CCDC62: variants seen among roughly 807,000 people sequenced by gnomAD.
CCDC62 encodes coiled-coil domain containing 62.
CCDC62 carries 72 observed loss-of-function variants against 80.8 expected under a neutral mutation model. The ratio of observed to expected loss-of-function variants is 0.89; its 90% CI spans 0.74 to 1.08. The LOEUF (loss-of-function observed/expected upper bound fraction) is 1.08. CCDC62 is among the 50% of genes least tolerant of loss of function. The probability of loss-of-function intolerance (pLI) is 0.00; values close to 1 mark genes in which losing one functional copy is unlikely to be tolerated. For synonymous variants in CCDC62, 286 were observed against 296.5 expected (o/e 0.96, Z 0.36); for missense variants, 704 against 809.4 (o/e 0.87, Z 1.58).
chr12:122,790,211 C>T (rs927692488), intron 5 of CCDC62, among the ~76,000 whole-genome samples: 10 of 152,084 alleles, frequency 6.6e-5, no homozygotes, highest in East Asian at 1.9e-4. Flanking sequence ...CCACCATGCC[C>T]GGCTAATTTT....
At chr12:122,821,249 G>A (rs1374770654) in intron 11 of CCDC62, among the ~76,000 whole-genome samples, 1 of 152,180 alleles carries the variant, frequency 6.6e-6, no homozygotes, top group African/African-American at 2.4e-5. Flanking sequence ...AGGACTGACA[G>A]CGAGCCAGTT....
At chr12:122,815,881 C>G (rs929837418) in intron 11 of CCDC62, among the ~76,000 whole-genome samples, 1 of 152,112 alleles carries the variant, frequency 6.6e-6, no homozygotes, top group Non-Finnish European at 1.5e-5. Flanking sequence ...CTGGCTAGGA[C>G]CTCCAGATGA....
rs555775220 is a variant in CCDC62 at position 122,779,790 on chromosome 12, C to T, written c.230-1374C>T. ...GGGTGTGCTGGCTCATGCCTGTAAT[C>T]CCAGCTACTTGGGAGGCTAAGGCAG... On this transcript the variant is annotated intron_variant, in intron 2 of 12. Transcript: ENST00000253079. 4.6e-5 allele frequency among the ~76,000 whole-genome samples: 7 copies of T among 151,726 alleles called. No homozygotes were observed. In the South Asian group the frequency reaches 1.5e-3, roughly 32 times the overall value.
chr12:122,804,719 T>G (rs73415550), intron 9 of CCDC62, among the ~76,000 whole-genome samples: 3,233 of 148,756 alleles, frequency 0.022, 109 homozygotes, highest in African/African-American at 0.075. Context: ...TTCCATGTTG[T>G]TTTTTTTTTC....
chr12:122,774,878 A>G (rs1466032756), intron 1 of CCDC62, among the ~76,000 whole-genome samples, 172 bp downstream of exon 1: 1 of 151,518 alleles, frequency 6.6e-6, no homozygotes, highest in African/African-American at 2.4e-5. Context: ...TCACGAGGTC[A>G]GGAGATCGAG....
At chr12:122,803,748 T>G (rs532206451) in intron 9 of CCDC62, among the ~76,000 whole-genome samples, 3 of 152,360 alleles carry the variant, frequency 2.0e-5, no homozygotes, top group Admixed American at 2.0e-4. Context: ...CTATTCATAT[T>G]TGGTCTTTAA....
intron 10 of CCDC62, among the ~76,000 whole-genome samples, chr12:122,811,337 T>C (rs1027709933): frequency 1.4e-5 from 2 of 144,904 alleles, no homozygotes; most frequent in African/African-American, 5.1e-5. Context: ...TCAGCCTCCC[T>C]AGTAGCTGGG....
intron 2 of CCDC62, 51 bp downstream of exon 2, chr12:122,777,734 ATT>A: frequency 3.3e-6 from 5 of 1,511,042 alleles, no homozygotes; most frequent in Non-Finnish European, 4.6e-6. Flanking sequence ...GTGCTAACAC[ATT>A]GATGGGCTCA....
intron 10 of CCDC62, among the ~76,000 whole-genome samples, chr12:122,806,958 A>G (rs1263761141): frequency 6.6e-6 from 1 of 151,906 alleles, no homozygotes; most frequent in Non-Finnish European, 1.5e-5. Context: ...CAAATACACA[A>G]CCCCTGGCAG....
intron 3 of CCDC62, among the ~76,000 whole-genome samples, chr12:122,784,931 G>C (rs1336435176): frequency 6.6e-6 from 1 of 152,156 alleles, no homozygotes; most frequent in Non-Finnish European, 1.5e-5. Context: ...CCGAAGTCAA[G>C]AGTTCGAGAC....
At chr12:122,815,551 A>G (rs956016570) in intron 11 of CCDC62, among the ~76,000 whole-genome samples, 3 of 151,370 alleles carry the variant, frequency 2.0e-5, no homozygotes, top group Admixed American at 6.6e-5. Flanking sequence ...GGTTCACGCC[A>G]TTCTCCTGCC....
chr12:122,776,345 GA>G (rs1470302149), intron 1 of CCDC62, among the ~76,000 whole-genome samples: 2 of 152,192 alleles, frequency 1.3e-5, no homozygotes, highest in Non-Finnish European at 2.9e-5. Flanking sequence ...ATACTTCAAA[GA>G]AATTATTGTA....
At chr12:122,799,694 C>A (rs982744515) in intron 8 of CCDC62, among the ~76,000 whole-genome samples, 2 of 152,230 alleles carry the variant, frequency 1.3e-5, no homozygotes, top group African/African-American at 4.8e-5. Flanking sequence ...ATTAGGGAAG[C>A]TCCCCATGGC....
chr12:122,802,521 C>G (rs2031373348), intron 9 of CCDC62, among the ~76,000 whole-genome samples: 1 of 149,790 alleles, frequency 6.7e-6, no homozygotes, highest in African/African-American at 2.5e-5. Context: ...TCAAGCCATT[C>G]TCCTGCCTCA....
At chr12:122,790,412 T>G (rs1214146552) in intron 5 of CCDC62, among the ~76,000 whole-genome samples, 1 of 152,102 alleles carries the variant, frequency 6.6e-6, no homozygotes, top group East Asian at 1.9e-4. Context: ...TCTGTAATCC[T>G]AGCACTTTGG....
intron 10 of CCDC62, among the ~76,000 whole-genome samples, chr12:122,806,743 G>T (rs1157434945): frequency 6.6e-6 from 1 of 150,856 alleles, no homozygotes; most frequent in African/African-American, 2.4e-5. Flanking sequence ...GCCTCCCAAA[G>T]TGTGCTGGGA....
intron 6 of CCDC62, among the ~76,000 whole-genome samples, chr12:122,793,809 TC>T (rs2030776246): frequency 6.6e-6 from 1 of 152,136 alleles, no homozygotes; most frequent in Admixed American, 6.5e-5. Context: ...TGATTAAAGA[TC>T]GGGGTGAAAG....
chr12:122,806,095 T>A lies in CCDC62; in HGVS notation c.1707-56T>A, dbSNP rs997147397. The A allele has an allele frequency of 3.4e-6, 5 of 1,486,848 alleles. No homozygotes were observed. The South Asian group carries it at 6.2e-5, about 18-fold the overall frequency. 92.1% of individuals were successfully genotyped at this position (1,486,848 alleles called of 1,614,324 possible). ...AAGATACTTTTGAGTATAAGAGTGA[T>A]CTATGTATGATATTGTTTTAAGATA... On this transcript the variant is annotated intron_variant, in intron 9 of 12. Transcript: ENST00000253079.
intron 6 of CCDC62, among the ~76,000 whole-genome samples, chr12:122,796,178 G>C (rs73415535): frequency 0.034 from 5,107 of 149,028 alleles, 275 homozygotes; most frequent in African/African-American, 0.12. Context: ...TTTTTTCTTT[G>C]ACCACCTGCC....
Sources: gnomAD v4.1 joint callset for allele counts (sites outside exome capture counted in the v4.1 genomes callset) on GRCh38, gnomAD v4.1.1 for gene constraint, MANE v1.5 for transcripts, NCBI Gene and HGNC (gene_info 2026-07-23, HGNC 2026-07-21) for gene names.